PGM3: variants seen among roughly 807,000 people sequenced by gnomAD.
PGM3 encodes the protein phosphoacetylglucosamine mutase.
PGM3 carries 40 observed loss-of-function variants against 66.2 expected under a neutral mutation model. The ratio of observed to expected loss-of-function variants is 0.60; its 90% CI spans 0.47 to 0.79. PGM3 has a LOEUF of 0.79. Among genes scored for constraint, PGM3 ranks in the 30% least tolerant of loss-of-function variants. The probability of loss-of-function intolerance (pLI) is 0.00; values close to 1 mark genes in which losing one functional copy is unlikely to be tolerated. For missense variants in PGM3, 537 were observed against 643.4 expected, an observed-to-expected ratio of 0.83 and a Z score of 1.79; for synonymous variants, 191 against 224.2, an observed-to-expected ratio of 0.85 and a Z score of 1.32.
At chr6:83,186,309 A>T (rs1465890550) in intron 4 of PGM3, among the ~76,000 whole-genome samples, 2 of 152,204 alleles carry the variant, frequency 1.3e-5, no homozygotes, top group Non-Finnish European at 2.9e-5. Context: ...CAGAAAGCTG[A>T]AGAATGACAG....
the PGM3 span, among the ~76,000 whole-genome samples, chr6:83,155,745 C>T: frequency 6.6e-6 from 1 of 152,190 alleles, no homozygotes; most frequent in Non-Finnish European, 1.5e-5. Flanking sequence ...TTTTCCTCTC[C>T]ATCACAATTC....
downstream of PGM3, among the ~76,000 whole-genome samples, chr6:83,160,917 T>C (rs1784093681): frequency 6.6e-6 from 1 of 152,130 alleles, no homozygotes; most frequent in Non-Finnish European, 1.5e-5. Flanking sequence ...TGGTAAGAAC[T>C]AGAAATTACT....
chr6:83,191,958 C>CAAAAAAA (rs1219337174), intron 1 of PGM3, among the ~76,000 whole-genome samples: 2 of 39,364 alleles, frequency 5.1e-5, no homozygotes, highest in Non-Finnish European at 9.3e-5. Context: ...GACTCGGTCT[C>CAAAAAAA]AAAAAAAAAA....
At position 83,166,169 on chromosome 6, in the gene PGM3, G is replaced by A. The variant is rs1262461467; in HGVS notation, c.*3065C>T. The A allele has an allele frequency of 5.9e-6, 3 of 507,418 alleles. No homozygotes were observed. Among genetic ancestry groups the A allele is most frequent in the East Asian group, 3.0e-5 (1 of 33,288 alleles). 31.4% of individuals were successfully genotyped at this position (507,418 alleles called of 1,614,324 possible). A position where few individuals can be genotyped will look rare whatever the true frequency, so the allele number is the denominator to read the frequency against. Reference sequence around the variant, plus strand: ...TTTTTTTATTTTTCACTCAGCTCATGAGGCACCCATTTATTGAGCTTTTTC... The same window carrying A: ...TTTTTTTATTTTTCACTCAGCTCATAAGGCACCCATTTATTGAGCTTTTTC... On this transcript the variant is annotated 3_prime_UTR_variant, in exon 13 of 13. Transcript: ENST00000513973.
At chr6:83,191,035 G>T in intron 1 of PGM3, 21 bp from the exon 2 acceptor site, 2 of 1,598,796 alleles carry the variant, frequency 1.3e-6, no homozygotes, top group Non-Finnish European at 1.7e-6. Context: ...AAGAAATATT[G>T]TTTCGGGCAT....
chr6:83,160,042 GTTT>G, downstream of PGM3: 7 of 1,358,750 alleles, frequency 5.2e-6, no homozygotes, highest in Non-Finnish European at 6.1e-6. Context: ...TAATTAAAAA[GTTT>G]TTTGTGTAAG....
chr6:83,152,559 A>T, the PGM3 span, among the ~76,000 whole-genome samples: 5 of 151,864 alleles, frequency 3.3e-5, no homozygotes, highest in African/African-American at 1.2e-4. Flanking sequence ...CATTAGTGAT[A>T]AATTTAGATA....
chr6:83,193,522 C>T (rs1789361008), upstream of PGM3: 1 of 152,186 alleles, frequency 6.6e-6, no homozygotes, highest in South Asian at 2.1e-4. Context: ...GAGGCACAGC[C>T]TCCGCCTCCA....
chr6:83,154,643 C>T, the PGM3 span, among the ~76,000 whole-genome samples: 88 of 152,188 alleles, frequency 5.8e-4, no homozygotes, highest in African/African-American at 2.0e-3. Flanking sequence ...TCGAATCCAG[C>T]CTATCAGACA....
At position 83,181,798 on chromosome 6, in the gene PGM3, T is replaced by C. The variant is rs1562423141; in HGVS notation, c.725A>G (p.Lys242Arg). Residue 242 changes from lysine (K) to arginine (R), a missense_variant, in exon 6 of 13, where the codon AAG becomes AGG. Coordinates refer to ENST00000513973, the MANE Select transcript of PGM3 (RefSeq NM_015599.3). ...TCCACATAAATGATTGAGTTTGCCC[T>C]TGGACCCATCATTAAACAGCTGAAC... ...LSVQLFNDGS[K>R]GKLNHLCGAD... The C allele has an allele frequency of 1.2e-6, 2 of 1,613,974 alleles. No individual in the cohort carries two copies. The highest frequency in any genetic ancestry group is 8.5e-7 in the Non-Finnish European group (1 of 1,179,976).
chr6:83,156,112 T>A, the PGM3 span: 2 of 1,597,378 alleles, frequency 1.3e-6, no homozygotes, highest in Admixed American at 3.6e-5. Flanking sequence ...AGGTAAAAAA[T>A]GAAAAACCCT....
At chr6:83,159,699 T>C (rs1240909276), downstream of PGM3, 11 of 1,349,206 alleles carry the variant, frequency 8.2e-6, no homozygotes, top group Non-Finnish European at 1.0e-5. Flanking sequence ...TATCTCAGGA[T>C]GATTATGAAA....
Position 83,182,163 on chromosome 6 carries a change from TAGCATA to T in PGM3, c.592-238_592-233del, listed in dbSNP as rs1477278584. Among the ~76,000 whole-genome samples the T allele has an allele frequency of 5.3e-5, 8 of 152,244 alleles. No individual in the cohort carries two copies. The East Asian group carries it at 1.5e-3, about 29-fold the overall frequency. ...ATAGTTTTGCTGATTGAACAACTTATAGCATAGAGCTTTATTAGAATTTAGTCTCAA... is the reference window on the plus strand; with the variant it reads ...ATAGTTTTGCTGATTGAACAACTTATGAGCTTTATTAGAATTTAGTCTCAA... On this transcript the variant is annotated intron_variant, in intron 5 of 12. Coordinates refer to ENST00000513973, the MANE Select transcript of PGM3 (RefSeq NM_015599.3).
intron 5 of PGM3, among the ~76,000 whole-genome samples, 185 bp downstream of exon 5, chr6:83,182,660 G>A (rs1442805860): frequency 1.3e-5 from 2 of 152,160 alleles, no homozygotes; most frequent in South Asian, 2.1e-4. Context: ...CCAAGTAAAC[G>A]CCAATGTAAG....
chr6:83,176,134 G>A (rs1562417549), intron 8 of PGM3, 74 bp from the exon 9 acceptor site: 1 of 836,542 alleles, frequency 1.2e-6, no homozygotes, highest in South Asian at 1.4e-5. Flanking sequence ...TAGTATCCCA[G>A]AGATACAAAG....
chr6:83,171,515 G>A (rs923043431), intron 11 of PGM3, among the ~76,000 whole-genome samples: 6 of 151,884 alleles, frequency 4.0e-5, no homozygotes, highest in African/African-American at 1.5e-4. Flanking sequence ...GTTTTGAGAC[G>A]GAGTCTCGCT....
chr6:83,181,009 T>C (rs770723605), intron 6 of PGM3, among the ~76,000 whole-genome samples: 2 of 152,184 alleles, frequency 1.3e-5, no homozygotes, highest in Non-Finnish European at 2.9e-5. Flanking sequence ...TCACGGAATT[T>C]TTAAACAGTG....
At chr6:83,183,025 A>C (rs1788311519) in intron 4 of PGM3, 47 bp from the exon 5 acceptor site, 1 of 1,589,352 alleles carries the variant, frequency 6.3e-7, no homozygotes, top group Non-Finnish European at 8.6e-7. Context: ...CTTAACAAAG[A>C]GAAAAAAGTT....
downstream of PGM3, chr6:83,162,910 A>G: frequency 1.2e-6 from 2 of 1,612,546 alleles, no homozygotes; most frequent in Admixed American, 1.7e-5. Context: ...TTCTTCGGAA[A>G]AGAGCAAAGG....
Sources: allele counts gnomAD v4.1 joint callset (sites outside exome capture counted in the v4.1 genomes callset), GRCh38; gene constraint gnomAD v4.1.1; transcripts MANE v1.5; gene names NCBI Gene and HGNC (gene_info 2026-07-23, HGNC 2026-07-21).